The following NEK2 variants were observed in gnomAD, a reference collection of about 807,000 sequenced individuals.
NEK2 encodes NIMA related kinase 2, also known as serine/threonine-protein kinase Nek2.
In NEK2, 28 loss-of-function variants were observed where a neutral mutation model predicts 54.1. That is an observed-to-expected ratio of 0.52 (90% CI 0.38 to 0.71). The LOEUF (loss-of-function observed/expected upper bound fraction) is 0.71. NEK2 is among the 30% of genes least tolerant of loss of function. The pLI, the probability that NEK2 is intolerant of heterozygous loss-of-function variation, is 0.00. For synonymous variants in NEK2, 176 were observed against 193.1 expected, an observed-to-expected ratio of 0.91 and a Z score of 0.73; for missense variants, 407 against 531.5, an observed-to-expected ratio of 0.77 and a Z score of 2.30.
At position 211,667,110 on chromosome 1, in the gene NEK2, A is replaced by T. The variant is rs1655204359; in HGVS notation, c.1107T>A (p.Asn369Lys). 6 of 1,613,722 alleles carry T rather than the reference A, an allele frequency of 3.7e-6. No individual in the cohort carries two copies. Among genetic ancestry groups the T allele is most frequent in the Non-Finnish European group, 5.1e-6 (6 of 1,179,920 alleles). Reference sequence around the variant, plus strand: ...TGACCAAGTTGATTCTCATACCTGGATTACTTGCCAGAGACAGGAACTTCC... The same window carrying T: ...TGACCAAGTTGATTCTCATACCTGGTTTACTTGCCAGAGACAGGAACTTCC... ...KERKFLSLAS[N>K]PELLNLPSSV... is the part of the protein sequence containing the mutation. Residue 369 changes from asparagine (N) to lysine (K), a missense_variant, in exon 7 of 8, where the codon AAT (asparagine) becomes AAA (lysine). Physicochemically the swap from Asn to Lys is moderately conservative, Grantham distance 94 (BLOSUM62 0). Transcript: ENST00000366999.
At chr1:211,661,004 G>A (rs753735113), downstream of NEK2, 135 of 740,060 alleles carry the variant, frequency 1.8e-4, no homozygotes, top group Middle Eastern at 2.9e-3. Context: ...ATCAGGGCCC[G>A]CTGGAAACTA....
Position 211,663,537 on chromosome 1 carries a change from C to T in NEK2, c.1227G>A (p.Lys409=), listed in dbSNP as rs1655078714. The change falls in exon 8 of 8, where the codon AAG becomes AAA. Residue 409 remains lysine (K), a synonymous_variant. Coordinates refer to ENST00000366999, the MANE Select transcript of NEK2 (RefSeq NM_002497.4). ...NSESQLTSKS[K]CKDLKKRLHA... ...GAAGCCTTTTCTTCAGGTCCTTGCACTTGGACTTAGATGTGAGCTGACTCT... is the reference window on the plus strand; with the variant it reads ...GAAGCCTTTTCTTCAGGTCCTTGCATTTGGACTTAGATGTGAGCTGACTCT... The T allele has an allele frequency of 2.5e-6, 4 of 1,613,958 alleles. No homozygotes were observed. The highest frequency in any genetic ancestry group is 3.4e-6 in the Non-Finnish European group (4 of 1,179,880).
In NEK2 at chr1:211,667,482, T is replaced by C. The variant is rs114420431; in HGVS notation, c.986-251A>G. 5.5e-3 allele frequency among the ~76,000 whole-genome samples: 836 copies of C among 152,306 alleles called. 7 individuals are homozygous for C. The highest frequency in any genetic ancestry group is 0.019 in the African/African-American group (788 of 41,562). ...ACAAATACAAAGTTAGCTTCAACCT[T>C]TGGTCATCTTTTGTGGGAGTAACTC... is the stretch of plus-strand genomic sequence containing the variant. On this transcript the variant is annotated intron_variant, in intron 6 of 7. Coordinates refer to ENST00000366999, the MANE Select transcript of NEK2 (RefSeq NM_002497.4).
rs1288881753 is a variant in NEK2, at chr1:211,673,500, G to C, written c.538C>G (p.Pro180Ala). 6.2e-7 allele frequency: 1 copy of C among 1,613,924 alleles called. No homozygotes were observed. Among genetic ancestry groups the C allele is most frequent in the South Asian group, 1.1e-5 (1 of 91,074 alleles). ...ATACTTACAGGAGACATGTAATAAG[G>C]TGTGCCAACAAATGTTTTTGCAAAA... ...TSFAKTFVGT[P>A]YYMSPEQMNR... Residue 180 changes from proline to alanine, a missense_variant, in exon 3 of 8, where the codon CCT becomes GCT. Physicochemically the swap from Pro to Ala is conservative, Grantham distance 27. Coordinates refer to ENST00000366999, the MANE Select transcript of NEK2 (RefSeq NM_002497.4).
chr1:211,658,859 C>A (rs1654948414), downstream of NEK2: 1 of 252,394 alleles, frequency 4.0e-6, no homozygotes, highest in African/African-American at 2.4e-5. Flanking sequence ...AATACCATAA[C>A]AACCTAAGAT....
chr1:211,660,703 C>G (rs1021255141), downstream of NEK2: 1 of 671,642 alleles, frequency 1.5e-6, no homozygotes, highest in African/African-American at 1.8e-5. Context: ...CTGCGAAGAT[C>G]CACATTGCCC....
intron 7 of NEK2, among the ~76,000 whole-genome samples, chr1:211,665,135 G>T (rs943342577): frequency 1.1e-4 from 17 of 152,248 alleles, no homozygotes; most frequent in African/African-American, 4.1e-4. Flanking sequence ...TTGCTGTGAT[G>T]ATTTCAATAT....
downstream of NEK2, chr1:211,661,137 C>T (rs1469575918): frequency 4.0e-6 from 3 of 744,952 alleles, no homozygotes; most frequent in East Asian, 2.5e-5. Context: ...GATAGCATCT[C>T]CTGTCTCTGG....
chr1:211,669,252 A>G lies in NEK2; in HGVS notation c.846T>C (p.Asn282=). 1 of 1,614,086 alleles carries G rather than the reference A, an allele frequency of 6.2e-7. No individual in the cohort carries two copies. Among genetic ancestry groups the G allele is most frequent in the Non-Finnish European group, 8.5e-7 (1 of 1,179,978 alleles). The change falls in exon 6 of 8, where the codon AAT becomes AAC. Residue 282 remains asparagine (N), a synonymous_variant. Transcript: ENST00000366999. ...CTAATTGTCGCCCTCTTCTCTCAAG[A>G]TTTCTTCTTTGCTCGTCTGCAACCA... ...ADLVADEQRR[N]LERRGRQLGE...
At chr1:211,666,492 A>G in intron 7 of NEK2, 2 of 980,544 alleles carry the variant, frequency 2.0e-6, no homozygotes, top group Non-Finnish European at 2.4e-6. Context: ...AGTTTTGTAA[A>G]TGCCCTAATT....
chr1:211,663,786 G>T, intron 7 of NEK2, 134 bp from the exon 8 acceptor site: 1 of 835,794 alleles, frequency 1.2e-6, no homozygotes, highest in Non-Finnish European at 1.8e-6. Flanking sequence ...TTTTCTCTGG[G>T]ATAGGAGGTT....
At chr1:211,660,182 C>A, downstream of NEK2, 1 of 287,424 alleles carries the variant, frequency 3.5e-6, no homozygotes, top group South Asian at 4.7e-5. Context: ...CCCTTGCAGT[C>A]TCTAGGTCAC....
chr1:211,663,767 C>T (rs1392804658), intron 7 of NEK2, 115 bp from the exon 8 acceptor site: 3 of 1,027,196 alleles, frequency 2.9e-6, no homozygotes, highest in Non-Finnish European at 1.4e-6. Flanking sequence ...AATCTAGGTG[C>T]CTGTTTTATT....
rs185323728 is a variant in NEK2 at position 211,663,140 on chromosome 1, A to G, written c.*286T>C. Reference sequence around the variant, plus strand: ...ATTATTTTTTCTCCCAAGATTTAGAATGTCACATCTCATGTTCCTACTAGT... The same window carrying G: ...ATTATTTTTTCTCCCAAGATTTAGAGTGTCACATCTCATGTTCCTACTAGT... On this transcript the variant is annotated 3_prime_UTR_variant, in exon 8 of 8. Coordinates refer to ENST00000366999, the MANE Select transcript of NEK2 (RefSeq NM_002497.4). The G allele has an allele frequency of 2.4e-5, 28 of 1,144,528 alleles. No homozygotes were observed. In the East Asian group the frequency reaches 1.3e-3, roughly 51 times the overall value. The allele number at this position is 1,144,528 out of a possible 1,614,324, so 70.9% of individuals were successfully genotyped here.
chr1:211,672,302 C>T (rs1429461323), intron 3 of NEK2, among the ~76,000 whole-genome samples: 2 of 152,170 alleles, frequency 1.3e-5, no homozygotes, highest in Non-Finnish European at 2.9e-5. Context: ...CCAGCAATTT[C>T]ATTTTATGAG....
At chr1:211,664,062 GTTT>G (rs10710484) in intron 7 of NEK2, among the ~76,000 whole-genome samples, 9 of 139,090 alleles carry the variant, frequency 6.5e-5, no homozygotes, top group East Asian at 6.4e-4. Context: ...TTCTGTCTTT[GTTT>G]TTTTTTTTTT....
chr1:211,672,891 G>A (rs1655443896), intron 3 of NEK2, among the ~76,000 whole-genome samples: 1 of 151,950 alleles, frequency 6.6e-6, no homozygotes, highest in Admixed American at 6.6e-5. Flanking sequence ...TCAAAAAATT[G>A]AACCCAGTGA....
In NEK2 at chr1:211,674,319, T is replaced by C. The variant is rs771148862; in HGVS notation, c.291A>G (p.Val97=). Residue 97 remains valine, a synonymous_variant, in exon 2 of 8, where the codon GTA becomes GTG. Coordinates refer to ENST00000366999, the MANE Select transcript of NEK2 (RefSeq NM_002497.4). ...EYCEGGDLAS[V]ITKGTKERQY... The stretch of plus-strand genomic sequence containing the variant: ...ACCTTTCCTTGGTTCCCTTTGTAAT[T>C]ACACTAGCCAGATCCCCTCCTTCAC... 6.2e-7 allele frequency: 1 copy of C among 1,611,426 alleles called. No homozygotes were observed. The highest frequency in any genetic ancestry group is 1.1e-5 in the South Asian group (1 of 90,452).
chr1:211,658,402 A>T (rs922471878), downstream of NEK2, among the ~76,000 whole-genome samples: 1 of 152,206 alleles, frequency 6.6e-6, no homozygotes, highest in African/African-American at 2.4e-5. Flanking sequence ...CAATAATAAC[A>T]TACATTTTTG....
Sources: allele counts gnomAD v4.1 joint callset (sites outside exome capture counted in the v4.1 genomes callset), GRCh38; gene constraint gnomAD v4.1.1; transcripts MANE v1.5; gene names NCBI Gene and HGNC (gene_info 2026-07-23, HGNC 2026-07-21).